Variants in NPHP4 observed in about 807,000 individuals in gnomAD.
The protein encoded by NPHP4 is nephrocystin 4.
In NPHP4, 151 loss-of-function variants were observed where a neutral mutation model predicts 155.8. The observed-to-expected ratio is 0.97, with a 90% CI of 0.85 to 1.11. The LOEUF is 1.11. Ranked by LOEUF, NPHP4 falls within the 50% of genes least tolerant of loss-of-function variation. NPHP4 has a pLI of 0.00. For missense variants in NPHP4, 1,956 were observed against 1,925.7 expected (o/e 1.02, Z -0.29); for synonymous variants, 845 against 816.8 (o/e 1.03, Z -0.59).
At chr1:5,941,748 T>C (rs1490824517) in intron 9 of NPHP4, among the ~76,000 whole-genome samples, 1 of 152,106 alleles carries the variant, frequency 6.6e-6, no homozygotes, top group Non-Finnish European at 1.5e-5. Context: ...CTGGGACAAT[T>C]TGTACCAAAA....
Position 5,891,009 on chromosome 1 carries a change from C to T in NPHP4, c.2163G>A (p.Leu721=). The change falls in exon 17 of 30, where the codon CTG becomes CTA. Residue 721 remains leucine, a synonymous_variant. Transcript: ENST00000378156. ...GGAACCCAGGGCCCACCATGTACCT[C>T]AGCTGGAAGCCAGGAGACCCTGTCA... ...TFDAGSPGFQ[L]RYMVGPGFLK... 13 of 1,558,602 alleles carry T rather than the reference C, an allele frequency of 8.3e-6. No homozygotes were observed. The highest frequency in any genetic ancestry group is 1.2e-5 in the South Asian group (1 of 86,218).
chr1:5,915,415 C>A (rs1349486437), intron 11 of NPHP4, among the ~76,000 whole-genome samples: 7 of 152,176 alleles, frequency 4.6e-5, no homozygotes, highest in Non-Finnish European at 2.9e-5. Context: ...ACTCTAGACA[C>A]TAAGAATTCA....
chr1:5,992,004 C>T (rs1418509417), intron 1 of NPHP4, among the ~76,000 whole-genome samples: 5 of 124,304 alleles, frequency 4.0e-5, no homozygotes, highest in Admixed American at 7.7e-5. Flanking sequence ...CGGCACCCAG[C>T]GGCCCCGACC....
intron 16 of NPHP4, 36 bp from the exon 17 acceptor site, chr1:5,891,064 T>A: frequency 7.0e-7 from 1 of 1,438,194 alleles, no homozygotes; most frequent in Non-Finnish European, 9.3e-7. Context: ...CAAAAGTAAT[T>A]GGAGTCATTC....
At chr1:5,914,008 G>A (rs1251025184) in intron 11 of NPHP4, among the ~76,000 whole-genome samples, 2 of 152,070 alleles carry the variant, frequency 1.3e-5, no homozygotes, top group African/African-American at 2.4e-5. Context: ...ACTGGGCTTC[G>A]CTTCTTCATC....
intron 16 of NPHP4, among the ~76,000 whole-genome samples, chr1:5,898,349 T>C (rs11586334): frequency 0.13 from 19,518 of 152,030 alleles, 1,470 homozygotes; most frequent in Non-Finnish European, 0.17. Flanking sequence ...CCAAAAAGTG[T>C]AGGAAGAAGA....
At chr1:5,917,696 G>A (rs554395373) in intron 11 of NPHP4, among the ~76,000 whole-genome samples, 41 of 152,308 alleles carry the variant, frequency 2.7e-4, no homozygotes, top group African/African-American at 9.6e-4. Context: ...AGTCCCCACC[G>A]TGAGCTGCTT....
intron 16 of NPHP4, among the ~76,000 whole-genome samples, chr1:5,898,214 G>T (rs141667882): frequency 6.6e-6 from 1 of 152,342 alleles, no homozygotes; most frequent in Non-Finnish European, 1.5e-5. Context: ...ACACCAGGAG[G>T]AACATGTTAG....
At position 5,863,966 on chromosome 1, in the gene NPHP4, G is replaced by A. The variant is rs1640911073; in HGVS notation, c.4064C>T (p.Pro1355Leu). The A allele has an allele frequency of 1.2e-6, 2 of 1,613,766 alleles. No homozygotes were observed. Among genetic ancestry groups the A allele is most frequent in the Non-Finnish European group, 1.7e-6 (2 of 1,179,822 alleles). The change falls in exon 29 of 30, where the codon CCC becomes CTC. Residue 1355 changes from proline (P) to leucine (L), a missense_variant. Coordinates refer to ENST00000378156, the MANE Select transcript of NPHP4 (RefSeq NM_015102.5). ...GTGGAATGTCCTCCGGGAGGGGTAG[G>A]GGTTGGTGTAGGTGATCCTCTTGTT... is the stretch of plus-strand genomic sequence containing the variant. ...GVNKRITYTNPYPSRRTFHLH... is the reference protein window; with the variant it reads ...GVNKRITYTNLYPSRRTFHLH...
chr1:5,881,589 G>A (rs1247559790), intron 18 of NPHP4: 1 of 152,234 alleles, frequency 6.6e-6, no homozygotes, highest in Non-Finnish European at 1.5e-5. Flanking sequence ...CCCCGATGTG[G>A]TGGTAGAGAG....
In NPHP4 at chr1:5,978,282, G is replaced by A. The variant is rs372171438; in HGVS notation, c.267C>T (p.Ile89=). Residue 89 remains isoleucine, a synonymous_variant, in exon 3 of 30, where the codon ATC becomes ATT. Coordinates refer to ENST00000378156, the MANE Select transcript of NPHP4 (RefSeq NM_015102.5). Reference sequence around the variant, plus strand: ...CACCAGGGCCCACCTCATTAAAGACGATCCTGGACGGCGGTCTCTTCGTCG... The same window carrying A: ...CACCAGGGCCCACCTCATTAAAGACAATCCTGGACGGCGGTCTCTTCGTCG... ...VKPTKRPPSR[I]VFNEPLYFHT... is the part of the protein sequence containing the mutation. 4.6e-5 allele frequency: 74 copies of A among 1,606,916 alleles called. No homozygotes were observed. The highest frequency in any genetic ancestry group is 1.6e-4 in the Middle Eastern group (1 of 6,074).
In NPHP4 at chr1:5,906,536, G is replaced by A. The variant is rs1338382999; in HGVS notation, c.1611+579C>T. On this transcript the variant is annotated intron_variant, in intron 13 of 29. Transcript: ENST00000378156. The stretch of plus-strand genomic sequence containing the variant: ...AAAGCAGCAGAGACTCATGGTGCTA[G>A]GAGTGTTTTCAAACAAGGAATTAAA... 2.6e-5 allele frequency among the ~76,000 whole-genome samples: 4 copies of A among 152,234 alleles called. No individual in the cohort carries two copies. In the East Asian group the frequency reaches 5.8e-4, roughly 22 times the overall value.
intron 19 of NPHP4, chr1:5,879,680 G>T: frequency 2.0e-6 from 1 of 498,270 alleles, no homozygotes; most frequent in Non-Finnish European, 4.0e-6. Flanking sequence ...GGGGCCTGTG[G>T]GTCCACAGGG....
chr1:5,955,894 T>C (rs745972570), intron 6 of NPHP4, among the ~76,000 whole-genome samples: 4 of 152,158 alleles, frequency 2.6e-5, no homozygotes, highest in African/African-American at 7.2e-5. Flanking sequence ...CTTCTGAATG[T>C]CCTGACCACA....
intron 6 of NPHP4, among the ~76,000 whole-genome samples, chr1:5,958,716 A>G (rs1364175991): frequency 6.6e-6 from 1 of 150,898 alleles, no homozygotes; most frequent in African/African-American, 2.4e-5. Flanking sequence ...AAAATTAGCC[A>G]GGCATGGTGG....
rs1228580839 is a variant in NPHP4, at chr1:5,892,496, G to T, written c.2144-1468C>A. 1.3e-5 allele frequency among the ~76,000 whole-genome samples: 2 copies of T among 152,156 alleles called. No homozygotes were observed. Among genetic ancestry groups the T allele is most frequent in the Admixed American group, 1.3e-4 (2 of 15,288 alleles). ...CTGTGCAGGGCCTCCCACATGGTGG[G>T]GGCGCAGTTATTTGTTTGCTGAGTA... On this transcript the variant is annotated intron_variant, in intron 16 of 29. Coordinates refer to ENST00000378156, the MANE Select transcript of NPHP4 (RefSeq NM_015102.5). The surrounding 1 kb of genome is among the most constrained non-coding windows in gnomAD (Gnocchi z 4.5).
At chr1:5,976,460 C>T (rs1473626177) in intron 3 of NPHP4, among the ~76,000 whole-genome samples, 2 of 152,210 alleles carry the variant, frequency 1.3e-5, no homozygotes, top group African/African-American at 4.8e-5. Flanking sequence ...ACAGCTCTAT[C>T]CCCAGCAGTT....
intron 11 of NPHP4, 60 bp downstream of exon 11, chr1:5,927,589 G>T (rs1170705821): frequency 6.5e-7 from 1 of 1,532,898 alleles, no homozygotes. Flanking sequence ...CTTTCCCCGG[G>T]AAGAGATGGA....
intron 17 of NPHP4, chr1:5,888,433 C>A: frequency 9.0e-7 from 1 of 1,106,020 alleles, no homozygotes; most frequent in Non-Finnish European, 1.1e-6. Flanking sequence ...AACAAAAGTG[C>A]CTGTCTCTGG....
Sources: gnomAD v4.1 joint callset for allele counts (sites outside exome capture counted in the v4.1 genomes callset) on GRCh38, gnomAD v4.1.1 for gene constraint, Gnocchi (gnomAD v3.1) non-coding constraint, MANE v1.5 for transcripts, NCBI Gene and HGNC (gene_info 2026-07-23, HGNC 2026-07-21) for gene names.